The following FBXO34 variants were observed in gnomAD, a reference collection of about 807,000 sequenced individuals.
FBXO34 encodes the protein F-box protein 34.
Under a neutral mutation model 24.5 loss-of-function variants are expected in FBXO34, and 12 were observed. The ratio of observed to expected loss-of-function variants is 0.49; its 90% CI spans 0.31 to 0.79. The LOEUF (loss-of-function observed/expected upper bound fraction) is 0.79. FBXO34 is among the 30% of genes least tolerant of loss of function. FBXO34 has a pLI of 0.04. For synonymous variants in FBXO34, 320 were observed against 311.9 expected, an observed-to-expected ratio of 1.03 and a Z score of -0.27; for missense variants, 823 against 857.7, an observed-to-expected ratio of 0.96 and a Z score of 0.51.
the FBXO34 span, chr14:55,428,916 A>AC: frequency 6.2e-7 from 1 of 1,614,114 alleles, no homozygotes; most frequent in Non-Finnish European, 8.5e-7. Context: ...CTGGCAGGGA[A>AC]CCCAAGCTTC....
the FBXO34 span, among the ~76,000 whole-genome samples, chr14:55,393,336 G>T: frequency 6.6e-6 from 1 of 151,806 alleles, no homozygotes; most frequent in Non-Finnish European, 1.5e-5. Context: ...AGTGAGCCGA[G>T]ATCGCGCCAC....
the FBXO34 span, among the ~76,000 whole-genome samples, chr14:55,382,676 A>G: frequency 6.6e-6 from 1 of 152,228 alleles, no homozygotes; most frequent in Non-Finnish European, 1.5e-5. Flanking sequence ...ATATACGTAG[A>G]TAAGAGCTTG....
chr14:55,349,909 G>A (rs559615196), intron 1 of FBXO34, among the ~76,000 whole-genome samples: 1 of 152,158 alleles, frequency 6.6e-6, no homozygotes, highest in South Asian at 2.1e-4. Flanking sequence ...GCCCGGCCAG[G>A]AAGCAATAAT....
the FBXO34 span, among the ~76,000 whole-genome samples, chr14:55,427,075 G>A: frequency 1.3e-5 from 2 of 152,218 alleles, no homozygotes; most frequent in African/African-American, 2.4e-5. Flanking sequence ...CTGGAGGCTC[G>A]TGACTTGAGA....
At position 55,334,473 on chromosome 14, in the gene FBXO34, G is replaced by A. The variant is rs79175389; in HGVS notation, c.-10-15908G>A. On this transcript the variant is annotated intron_variant, in intron 1 of 1. Coordinates refer to ENST00000313833, the MANE Select transcript of FBXO34 (RefSeq NM_017943.4). ...AGTGTCCCAGGGTAGAAACTGGGAAGGCACAGTTCTGGGAATTCAACGGAG... is the reference window on the plus strand; with the variant it reads ...AGTGTCCCAGGGTAGAAACTGGGAAAGCACAGTTCTGGGAATTCAACGGAG... 9.4e-3 allele frequency among the ~76,000 whole-genome samples: 1,425 copies of A among 150,882 alleles called. 29 individuals are homozygous for A. Among genetic ancestry groups the A allele is most frequent in the African/African-American group, 0.033 (1,367 of 41,036 alleles).
chr14:55,375,781 G>C, the FBXO34 span, among the ~76,000 whole-genome samples: 1 of 152,028 alleles, frequency 6.6e-6, no homozygotes, highest in African/African-American at 2.4e-5. Context: ...GCTTTGCCTT[G>C]GCAAGGCCTT....
At chr14:55,315,061 A>G (rs894654731) in intron 1 of FBXO34, among the ~76,000 whole-genome samples, 49 of 151,842 alleles carry the variant, frequency 3.2e-4, no homozygotes, top group African/African-American at 1.1e-3. Flanking sequence ...TTGTCCCCCC[A>G]TTTCCCTGGT....
At chr14:55,410,818 A>G in the FBXO34 span, among the ~76,000 whole-genome samples, 2 of 152,120 alleles carry the variant, frequency 1.3e-5, no homozygotes, top group Admixed American at 1.3e-4. Context: ...TCTTACTATC[A>G]TTGACTATCA....
At chr14:55,401,019 A>G in the FBXO34 span, among the ~76,000 whole-genome samples, 1 of 152,118 alleles carries the variant, frequency 6.6e-6, no homozygotes, top group East Asian at 1.9e-4. Flanking sequence ...ATTTCCTCTA[A>G]AACACTTTAT....
the FBXO34 span, chr14:55,411,843 A>C: frequency 1.3e-6 from 2 of 1,561,802 alleles, no homozygotes; most frequent in African/African-American, 1.4e-5. Context: ...GAGGAGAGCC[A>C]GTCACGTGGG....
the FBXO34 span, among the ~76,000 whole-genome samples, chr14:55,442,976 G>C: frequency 6.6e-6 from 1 of 152,192 alleles, no homozygotes; most frequent in African/African-American, 2.4e-5. Flanking sequence ...AGAGAAACCA[G>C]CCCTGCTGAC....
chr14:55,410,809 C>G, the FBXO34 span, among the ~76,000 whole-genome samples: 1 of 152,224 alleles, frequency 6.6e-6, no homozygotes, highest in South Asian at 2.1e-4. Context: ...TGCTAGCTAT[C>G]TTACTATCAT....
chr14:55,377,219 C>T, the FBXO34 span, among the ~76,000 whole-genome samples: 2 of 152,072 alleles, frequency 1.3e-5, no homozygotes, highest in Non-Finnish European at 2.9e-5. Flanking sequence ...TGGTGGTGCA[C>T]ACTTGTAATC....
downstream of FBXO34, among the ~76,000 whole-genome samples, chr14:55,364,389 T>G (rs1381438080): frequency 6.6e-6 from 1 of 152,178 alleles, no homozygotes; most frequent in African/African-American, 2.4e-5. Flanking sequence ...TACTATCCTC[T>G]TTCTTGGAGG....
At chr14:55,371,199 T>G (rs558030585), downstream of FBXO34, among the ~76,000 whole-genome samples, 1 of 152,260 alleles carries the variant, frequency 6.6e-6, no homozygotes, top group Middle Eastern at 3.4e-3. Context: ...TCGAAATAAA[T>G]AGCAGGCAGA....
At chr14:55,423,090 G>A in the FBXO34 span, among the ~76,000 whole-genome samples, 1 of 152,040 alleles carries the variant, frequency 6.6e-6, no homozygotes, top group African/African-American at 2.4e-5. Context: ...AAAAGGATAA[G>A]TTATGTCATG....
intron 1 of FBXO34, among the ~76,000 whole-genome samples, chr14:55,292,069 T>A (rs1881961731): frequency 6.6e-6 from 1 of 152,198 alleles, no homozygotes; most frequent in South Asian, 2.1e-4. Context: ...CAGAAACATA[T>A]TTTTAACTGA....
chr14:55,273,079 A>G (rs1881212025), intron 1 of FBXO34, among the ~76,000 whole-genome samples: 1 of 152,226 alleles, frequency 6.6e-6, no homozygotes, highest in African/African-American at 2.4e-5. Flanking sequence ...TTCAAAAGGT[A>G]GATGGCTTAA....
intron 1 of FBXO34, among the ~76,000 whole-genome samples, chr14:55,280,864 C>T (rs1014059179): frequency 2.0e-5 from 3 of 151,954 alleles, no homozygotes; most frequent in African/African-American, 7.3e-5. Flanking sequence ...GTTTGGTGTC[C>T]AAGGGAGGTC....
Sources: gnomAD v4.1 joint callset for allele counts (sites outside exome capture counted in the v4.1 genomes callset) on GRCh38, gnomAD v4.1.1 for gene constraint, MANE v1.5 for transcripts, NCBI Gene and HGNC (gene_info 2026-07-23, HGNC 2026-07-21) for gene names.